IL9R: variants seen among roughly 807,000 people sequenced by gnomAD.
IL9R encodes interleukin 9 receptor.
IL9R carries 54 observed loss-of-function variants against 56.3 expected under a neutral mutation model. The observed-to-expected ratio is 0.96, with a 90% confidence interval of 0.77 to 1.20. The LOEUF is 1.20. Ranked by LOEUF, IL9R falls within the 50% of genes most tolerant of loss-of-function variation. IL9R has a pLI of 0.00. For missense variants in IL9R, 545 were observed against 629.8 expected, an observed-to-expected ratio of 0.87 and a Z score of 1.44; for synonymous variants, 212 against 250.2, an observed-to-expected ratio of 0.85 and a Z score of 1.44.
chrX:155,999,400 C>T (rs2067358223), intron 1 of IL9R, among the ~76,000 whole-genome samples: 1 of 152,134 alleles, frequency 6.6e-6, no homozygotes, highest in African/African-American at 2.4e-5. Flanking sequence ...GTGGGAAATG[C>T]TTCTTGGTGC....
At position 156,005,269 on chromosome X, in the gene IL9R, C is replaced by G. The variant is rs1379934755; in HGVS notation, c.580-9C>G. On this transcript the variant is annotated splice_polypyrimidine_tract_variant and intron_variant, in intron 5 of 8. Coordinates refer to ENST00000244174, the MANE Select transcript of IL9R (RefSeq NM_002186.3). Reference sequence around the variant, plus strand: ...CTTCACCACCTGCTAACTGTCCCCACCCCCACAGCAGGCCCAGCACAGGGA... The same window carrying G: ...CTTCACCACCTGCTAACTGTCCCCAGCCCCACAGCAGGCCCAGCACAGGGA... The G allele has an allele frequency of 6.2e-7, 1 of 1,611,398 alleles. No individual in the cohort carries two copies. The highest frequency in any genetic ancestry group is 8.5e-7 in the Non-Finnish European group (1 of 1,179,444).
chrX:156,009,045 TTGTGTCTGTGTG>T (rs2068225521), intron 8 of IL9R, among the ~76,000 whole-genome samples: 1 of 133,320 alleles, frequency 7.5e-6, no homozygotes, highest in Admixed American at 7.5e-5. Context: ...CTGTGTGTGT[TTGTGTCTGTGTG>T]TGTTTGTGTG....
chrX:156,004,541 C>G lies in IL9R; in HGVS notation c.555C>G (p.Phe185Leu). 6.2e-7 allele frequency: 1 copy of G among 1,613,032 alleles called. No individual in the cohort carries two copies. The highest frequency in any genetic ancestry group is 8.5e-7 in the Non-Finnish European group (1 of 1,179,866). The change falls in exon 5 of 9, where the codon TTC (phenylalanine) becomes TTG (leucine). Residue 185 changes from phenylalanine to leucine, a missense_variant. Phe to Leu is a conservative substitution (Grantham distance 22, BLOSUM62 0). This residue lies in a region of IL9R where 431 missense variants were observed against 360.0 expected (regional missense o/e 1.20). Transcript: ENST00000244174. Reference sequence around the variant, plus strand: ...CACTTCTCAGCTATGAGCTGGCCTTCAAGAAGCAGGAAGAGGCCTGGGAGG... The same window carrying G: ...CACTTCTCAGCTATGAGCTGGCCTTGAAGAAGCAGGAAGAGGCCTGGGAGG... ...MTTLLSYELA[F>L]KKQEEAWEQA...
At chrX:155,997,842 G>A in intron 1 of IL9R, 55 bp downstream of exon 1, 2 of 1,535,814 alleles carry the variant, frequency 1.3e-6, no homozygotes, top group Admixed American at 3.4e-5. Context: ...AATTCAGAAG[G>A]CAGAGAGGGA....
At chrX:156,003,980 G>A in intron 4 of IL9R, 125 bp downstream of exon 4, 1 of 1,017,508 alleles carries the variant, frequency 9.8e-7, no homozygotes, top group Non-Finnish European at 1.5e-6. Context: ...CCAGCCGAGT[G>A]AGATCCAGGG....
At chrX:155,997,924 T>A in intron 1 of IL9R, 137 bp downstream of exon 1, 1 of 806,684 alleles carries the variant, frequency 1.2e-6, no homozygotes, top group Non-Finnish European at 2.1e-6. Context: ...CTTTACCTCC[T>A]CTGGTGTCCT....
At chrX:156,001,205 G>A (rs1229431315) in intron 1 of IL9R, 4 of 620,504 alleles carry the variant, frequency 6.4e-6, no homozygotes, top group Non-Finnish European at 1.2e-5. Flanking sequence ...TCCTGGGTTA[G>A]CCTGTGGCTG....
intron 1 of IL9R, among the ~76,000 whole-genome samples, chrX:155,998,883 G>C (rs906328501): frequency 2.0e-5 from 3 of 152,126 alleles, no homozygotes; most frequent in African/African-American, 7.2e-5. Flanking sequence ...TTTGGGCAGA[G>C]CAGGCGACGT....
chrX:156,004,466 C>T lies in IL9R; in HGVS notation c.480C>T (p.Gly160=), dbSNP rs774266630. ...ACTTGCAGAGCAACATCAGTTCTGG[C>T]CACTGCATCCTGACCTGGAGCATCA... ...PSDLQSNISS[G]HCILTWSISP... The change falls in exon 5 of 9, where the codon GGC becomes GGT. Residue 160 remains glycine (G), a synonymous_variant. Coordinates refer to ENST00000244174, the MANE Select transcript of IL9R (RefSeq NM_002186.3). 7 of 1,613,782 alleles carry T rather than the reference C, an allele frequency of 4.3e-6. No individual in the cohort carries two copies. Among genetic ancestry groups the T allele is most frequent in the Non-Finnish European group, 5.9e-6 (7 of 1,179,758 alleles).
At chrX:156,001,660 GT>G (rs776284147) in intron 1 of IL9R, among the ~76,000 whole-genome samples, 4 of 11,848 alleles carry the variant, frequency 3.4e-4, no homozygotes. Flanking sequence ...TGCGTGTCTG[GT>G]TTTTTCCTCC....
chrX:156,006,704 A>C (rs903881126), intron 7 of IL9R, among the ~76,000 whole-genome samples: 9 of 152,076 alleles, frequency 5.9e-5, no homozygotes, highest in Non-Finnish European at 1.3e-4. Flanking sequence ...GGGCCATGTC[A>C]GGCCGCAGAT....
intron 6 of IL9R, 58 bp downstream of exon 6, chrX:156,005,537 C>A: frequency 1.4e-6 from 2 of 1,430,758 alleles, no homozygotes; most frequent in South Asian, 1.2e-5. Flanking sequence ...CGTCTTCTCC[C>A]CTGTTCACCT....
chrX:156,001,557 C>A, intron 1 of IL9R: 1 of 1,271,810 alleles, frequency 7.9e-7, no homozygotes, highest in Non-Finnish European at 1.2e-6. Context: ...CCTATGGGTA[C>A]CTGTATACGC....
At chrX:156,009,161 ATGTGTGTATGTCTG>A (rs746859254) in intron 8 of IL9R, among the ~76,000 whole-genome samples, 3,407 of 68,546 alleles carry the variant, frequency 0.05, 18 homozygotes, top group Middle Eastern at 0.17. Flanking sequence ...GTTTGTGTTT[ATGTGTGTATGTCTG>A]TGTGTGTCTG....
chrX:156,009,117 CTGTG>C (rs1200545114), intron 8 of IL9R, among the ~76,000 whole-genome samples: 3 of 106,476 alleles, frequency 2.8e-5, no homozygotes, highest in Admixed American at 2.0e-4. Context: ...GTTTATGTGT[CTGTG>C]TATGTTTGTG....
At chrX:156,009,045 T>TTGTGTCTGTGTGTGTTTGTGTG (rs1213315482) in intron 8 of IL9R, among the ~76,000 whole-genome samples, 2 of 133,318 alleles carry the variant, frequency 1.5e-5, no homozygotes, top group Non-Finnish European at 3.2e-5. Flanking sequence ...CTGTGTGTGT[T>TTGTGTCTGTGTGTGTTTGTGTG]TGTGTCTGTG....
rs2067874473 is a variant in IL9R at position 156,005,567 on chromosome X, C to T, written c.781+88C>T. On this transcript the variant is annotated intron_variant, in intron 6 of 8. Transcript: ENST00000244174. ...TCACCTCAGCCCTGCACCCTTTCACCCTCCTGTAAGCCCCTCCCCGAGGCA... is the reference window on the plus strand; with the variant it reads ...TCACCTCAGCCCTGCACCCTTTCACTCTCCTGTAAGCCCCTCCCCGAGGCA... The T allele has an allele frequency of 2.6e-6, 3 of 1,134,390 alleles. No individual in the cohort carries two copies. In the Admixed American group the frequency reaches 5.6e-5, roughly 21 times the overall value. The allele number at this position is 1,134,390 out of a possible 1,614,324, so 70.3% of individuals were successfully genotyped here.
intron 1 of IL9R, among the ~76,000 whole-genome samples, chrX:156,002,090 C>T (rs1236862481): frequency 6.6e-6 from 1 of 152,016 alleles, no homozygotes; most frequent in Non-Finnish European, 1.5e-5. Context: ...GCCTGTAATC[C>T]CAACACTTTG....
At chrX:155,998,838 A>G (rs2067314917) in intron 1 of IL9R, among the ~76,000 whole-genome samples, 1 of 151,888 alleles carries the variant, frequency 6.6e-6, no homozygotes, top group Admixed American at 6.6e-5. Flanking sequence ...ATGACCTTCA[A>G]CTGCAGTGGG....
Sources: allele counts gnomAD v4.1 joint callset (sites outside exome capture counted in the v4.1 genomes callset), GRCh38; gene constraint gnomAD v4.1.1; regional missense constraint gnomAD v4.1.1; transcripts MANE v1.5; gene names NCBI Gene and HGNC (gene_info 2026-07-23, HGNC 2026-07-21).